The following ACRV1 variants were observed in gnomAD, a reference collection of about 807,000 sequenced individuals.
ACRV1 encodes acrosomal vesicle protein 1, also known as acrosomal protein SP-10.
ACRV1 carries 17 observed loss-of-function variants against 29.2 expected under a neutral mutation model. The ratio of observed to expected loss-of-function variants is 0.58; its 90% CI spans 0.40 to 0.87. The LOEUF (loss-of-function observed/expected upper bound fraction) is 0.87, where lower values mean the gene tolerates loss of function less well. Ranked by LOEUF, ACRV1 falls within the 40% of genes least tolerant of loss-of-function variation. The pLI is 0.00. For synonymous variants in ACRV1, 98 were observed against 111.6 expected, an observed-to-expected ratio of 0.88 and a Z score of 0.77; for missense variants, 294 against 316.0, an observed-to-expected ratio of 0.93 and a Z score of 0.53.
intron 3 of ACRV1, 138 bp from the exon 4 acceptor site, chr11:125,672,855 T>C: frequency 8.7e-7 from 1 of 1,143,578 alleles, no homozygotes; most frequent in Non-Finnish European, 1.2e-6. Flanking sequence ...CTCTTCTATT[T>C]GCTTCCTCTG....
At chr11:125,674,052 G>A (rs757427828) in intron 3 of ACRV1, among the ~76,000 whole-genome samples, 2 of 152,134 alleles carry the variant, frequency 1.3e-5, no homozygotes, top group Non-Finnish European at 2.9e-5. Context: ...TCAGGAGGGT[G>A]AGGCAGGAGA....
At position 125,672,406 on chromosome 11, in the gene ACRV1, A is replaced by G. The variant is rs1379804524; in HGVS notation, c.*187T>C. ...GAGAAAGAGTTGGAGCAGGGAAGAC[A>G]GGACAGAGAAGAATGGATAAAAGCA... is the stretch of plus-strand genomic sequence containing the variant. On this transcript the variant is annotated 3_prime_UTR_variant, in exon 4 of 4. Coordinates refer to ENST00000533904, the MANE Select transcript of ACRV1 (RefSeq NM_001612.6). The G allele has an allele frequency of 1.6e-6, 1 of 642,534 alleles. No individual in the cohort carries two copies. The highest frequency in any genetic ancestry group is 2.6e-6 in the Non-Finnish European group (1 of 389,340). The allele number at this position is 642,534 out of a possible 1,614,324, so 39.8% of individuals were successfully genotyped here.
chr11:125,677,595 GC>G (rs1404320990), intron 2 of ACRV1, among the ~76,000 whole-genome samples: 1 of 152,072 alleles, frequency 6.6e-6, no homozygotes, highest in Admixed American at 6.6e-5. Context: ...CTTATAGAGG[GC>G]CCTCCATATT....
chr11:125,678,461 C>G (rs551613421), intron 1 of ACRV1, among the ~76,000 whole-genome samples, 164 bp from the exon 2 acceptor site: 1 of 152,024 alleles, frequency 6.6e-6, no homozygotes, highest in African/African-American at 2.4e-5. Flanking sequence ...ACTAAGTATC[C>G]CAAAAGGCCA....
In ACRV1 at chr11:125,672,390, TTGGAGCAGGGAAGAC is replaced by T; in HGVS notation, c.*188_*202del. 1 of 530,918 alleles carries T rather than the reference TTGGAGCAGGGAAGAC, an allele frequency of 1.9e-6. No individual in the cohort carries two copies. Among genetic ancestry groups the T allele is most frequent in the Non-Finnish European group, 3.2e-6 (1 of 316,830 alleles). 32.9% of individuals were successfully genotyped at this position (530,918 alleles called of 1,614,324 possible). A position where few individuals can be genotyped will look rare whatever the true frequency, so the allele number is the denominator to read the frequency against. On this transcript the variant is annotated 3_prime_UTR_variant, in exon 4 of 4. Coordinates refer to ENST00000533904, the MANE Select transcript of ACRV1 (RefSeq NM_001612.6). ...AAATCAGGAATATTGAGAGAAAGAG[TTGGAGCAGGGAAGAC>T]AGGACAGAGAAGAATGGATAAAAGC...
chr11:125,680,328 T>G (rs1301242279), intron 1 of ACRV1, among the ~76,000 whole-genome samples: 3 of 152,296 alleles, frequency 2.0e-5, no homozygotes, highest in South Asian at 2.1e-4. Flanking sequence ...GTTCTGAGGT[T>G]GTTTTCTGAA....
chr11:125,673,214 T>TTTC (rs1352815069), intron 3 of ACRV1, among the ~76,000 whole-genome samples: 9 of 149,290 alleles, frequency 6.0e-5, no homozygotes, highest in African/African-American at 2.0e-4. Context: ...TTTCTTTTCT[T>TTTC]TTTTTTTTTT....
chr11:125,671,938 T>A lies in ACRV1; in HGVS notation c.*655A>T, dbSNP rs1942213576. ...CTGTATAGATGATTCAGTAACATTG[T>A]GTGTGAAAAAAATGATTTAAGCATT... On this transcript the variant is annotated 3_prime_UTR_variant, in exon 4 of 4. Coordinates refer to ENST00000533904, the MANE Select transcript of ACRV1 (RefSeq NM_001612.6). 6.6e-6 allele frequency: 1 copy of A among 152,158 alleles called. No individual in the cohort carries two copies. The highest frequency in any genetic ancestry group is 1.5e-5 in the Non-Finnish European group (1 of 68,044). 9.4% of individuals were successfully genotyped at this position (152,158 alleles called of 1,614,324 possible). A position where few individuals can be genotyped will look rare whatever the true frequency, so the allele number is the denominator to read the frequency against.
intron 3 of ACRV1, 122 bp from the exon 4 acceptor site, chr11:125,672,839 C>T: frequency 8.1e-7 from 1 of 1,230,198 alleles, no homozygotes. Flanking sequence ...ATTATCCCTT[C>T]TCTTTCTCTT....
chr11:125,679,424 G>A (rs532793872), intron 1 of ACRV1, among the ~76,000 whole-genome samples: 1 of 151,944 alleles, frequency 6.6e-6, no homozygotes, highest in East Asian at 1.9e-4. Context: ...CGCCATGTTG[G>A]CCAGGCTGGT....
Position 125,677,819 on chromosome 11 carries a change from T to TGCTTGAAATTGAAACAG in ACRV1, c.530_531insCTGTTTCAATTTCAAGC (p.Pro178CysfsTer17). ...CACCTGTAGATGTGCTTGAAATTGGTGCACCTGAAGCCTGTTCCCCTGAAG... is the reference window on the plus strand; with the variant it reads ...CACCTGTAGATGTGCTTGAAATTGGTGCTTGAAATTGAAACAGGCACCTGAAGCCTGTTCCCCTGAAG... On this transcript the variant is annotated frameshift_variant, in exon 2 of 4. Coordinates refer to ENST00000533904, the MANE Select transcript of ACRV1 (RefSeq NM_001612.6). LOFTEE classifies it high-confidence loss of function. The TGCTTGAAATTGAAACAG allele has an allele frequency of 6.2e-7, 1 of 1,614,126 alleles. No homozygotes were observed. Among genetic ancestry groups the TGCTTGAAATTGAAACAG allele is most frequent in the South Asian group, 1.1e-5 (1 of 91,086 alleles).
intron 2 of ACRV1, among the ~76,000 whole-genome samples, chr11:125,677,572 T>G (rs1942571173): frequency 6.6e-6 from 1 of 152,122 alleles, no homozygotes; most frequent in Non-Finnish European, 1.5e-5. Flanking sequence ...CATTTTGTAT[T>G]TGTTTTATTT....
At chr11:125,673,150 A>G (rs1238520430) in intron 3 of ACRV1, among the ~76,000 whole-genome samples, 4 of 150,728 alleles carry the variant, frequency 2.7e-5, no homozygotes, top group African/African-American at 9.8e-5. Context: ...TCCTTTTCTC[A>G]GGACTTTTTT....
At chr11:125,678,631 G>A (rs555554541) in intron 1 of ACRV1, among the ~76,000 whole-genome samples, 1 of 152,202 alleles carries the variant, frequency 6.6e-6, no homozygotes, top group Admixed American at 6.5e-5. Context: ...GACAAAGTCA[G>A]CATCAGGAAG....
intron 3 of ACRV1, among the ~76,000 whole-genome samples, chr11:125,673,361 C>T (rs963294529): frequency 1.3e-5 from 2 of 152,076 alleles, no homozygotes; most frequent in Non-Finnish European, 2.9e-5. Flanking sequence ...CACCACCACA[C>T]CTGGCTAATT....
Position 125,671,974 on chromosome 11 carries a change from G to A in ACRV1, c.*619C>T, listed in dbSNP as rs1942214248. On this transcript the variant is annotated 3_prime_UTR_variant, in exon 4 of 4. Transcript: ENST00000533904. Reference sequence around the variant, plus strand: ...AATGATTTAAGCATTATGAACTGCTGCAATATATAGCAAATAAGGAATCAT... The same window carrying A: ...AATGATTTAAGCATTATGAACTGCTACAATATATAGCAAATAAGGAATCAT... 2.0e-5 allele frequency: 3 copies of A among 152,168 alleles called. No individual in the cohort carries two copies. The highest frequency in any genetic ancestry group is 7.2e-5 in the African/African-American group (3 of 41,420). The allele number at this position is 152,168 out of a possible 1,614,324, so 9.4% of individuals were successfully genotyped here.
In ACRV1 at chr11:125,679,216, C is replaced by CTTTTTTTTTTTTTTTTTTTTTTTTTTTT. The variant is rs71045115; in HGVS notation, c.53-920_53-919insAAAAAAAAAAAAAAAAAAAAAAAAAAAA. 1.1e-4 allele frequency among the ~76,000 whole-genome samples: 13 copies of CTTTTTTTTTTTTTTTTTTTTTTTTTTTT among 121,042 alleles called. 2 individuals carry two copies. Among genetic ancestry groups the CTTTTTTTTTTTTTTTTTTTTTTTTTTTT allele is most frequent in the African/African-American group, 3.8e-4 (12 of 31,636 alleles). The allele number at this position is 121,042 out of a possible 152,430, so 79.4% of individuals were successfully genotyped here. ...TCTTCTACCTTTAATCCGTCTCTTT[C>CTTTTTTTTTTTTTTTTTTTTTTTTTTTT]TTTTTTTTTTTTTGTTTCAAAGATA... On this transcript the variant is annotated intron_variant, in intron 1 of 3. Transcript: ENST00000533904.
intron 3 of ACRV1, among the ~76,000 whole-genome samples, chr11:125,673,901 G>GT (rs1447438036): frequency 2.0e-5 from 3 of 152,158 alleles, no homozygotes; most frequent in Non-Finnish European, 4.4e-5. Flanking sequence ...GCTCATGCCT[G>GT]TAATCCTAGC....
In ACRV1 at chr11:125,672,543, T is replaced by C; in HGVS notation, c.*50A>G. ...TAAATATAAAATGAGCCAAATAGAGTGATGGAGGCTTTTTACTGCCTGAGT... is the reference window on the plus strand; with the variant it reads ...TAAATATAAAATGAGCCAAATAGAGCGATGGAGGCTTTTTACTGCCTGAGT... On this transcript the variant is annotated 3_prime_UTR_variant, in exon 4 of 4. Coordinates refer to ENST00000533904, the MANE Select transcript of ACRV1 (RefSeq NM_001612.6). 1.9e-6 allele frequency: 3 copies of C among 1,604,960 alleles called. No individual in the cohort carries two copies. Among genetic ancestry groups the C allele is most frequent in the Non-Finnish European group, 2.5e-6 (3 of 1,176,626 alleles).
Sources: allele counts gnomAD v4.1 joint callset (sites outside exome capture counted in the v4.1 genomes callset), GRCh38; gene constraint gnomAD v4.1.1; transcripts MANE v1.5; gene names NCBI Gene and HGNC (gene_info 2026-07-23, HGNC 2026-07-21).